Variants in CDC20 observed in about 807,000 individuals in gnomAD.
CDC20 encodes the protein cell division cycle 20.
CDC20 carries 34 observed loss-of-function variants against 60.0 expected under a neutral mutation model. The observed-to-expected ratio is 0.57, with a 90% CI of 0.43 to 0.75. The LOEUF (loss-of-function observed/expected upper bound fraction) is 0.75. CDC20 is among the 30% of genes least tolerant of loss of function. The pLI is 0.00. For missense variants in CDC20, 469 were observed against 647.3 expected (o/e 0.72, Z 2.99); for synonymous variants, 198 against 243.5 (o/e 0.81, Z 1.74).
chr1:43,360,143 TG>T, intron 5 of CDC20, 46 bp downstream of exon 5: 1 of 1,614,044 alleles, frequency 6.2e-7, no homozygotes, highest in Non-Finnish European at 8.5e-7. Context: ...AAAGAGGGCC[TG>T]GGACCACACA....
intron 7 of CDC20, 40 bp from the exon 8 acceptor site, chr1:43,360,693 G>T: frequency 1.9e-6 from 3 of 1,592,448 alleles, no homozygotes; most frequent in Non-Finnish European, 2.6e-6. Flanking sequence ...CTTGCATTTG[G>T]TGCTGCCACA....
chr1:43,362,893 C>T, intron 10 of CDC20, 58 bp from the exon 11 acceptor site: 2 of 1,324,452 alleles, frequency 1.5e-6, no homozygotes, highest in Non-Finnish European at 1.0e-6. Flanking sequence ...TGGCCCAGTG[C>T]CTCCTTTATG....
At position 43,360,106 on chromosome 1, in the gene CDC20, A is replaced by T; in HGVS notation, c.556+9A>T. On this transcript the variant is annotated intron_variant, in intron 5 of 10. Coordinates refer to ENST00000310955, the MANE Select transcript of CDC20 (RefSeq NM_001255.3). ...AATCCGAAATGACTATTGTAAGTGC[A>T]TCCTTATCCTCGCCTCATGCATGGA... 7 of 1,614,230 alleles carry T rather than the reference A, an allele frequency of 4.3e-6. No homozygotes were observed. The highest frequency in any genetic ancestry group is 5.9e-6 in the Non-Finnish European group (7 of 1,180,028).
In CDC20 at chr1:43,360,845, G is replaced by A. The variant is rs756714014; in HGVS notation, c.961G>A (p.Gly321Arg). 6.2e-7 allele frequency: 1 copy of A among 1,614,170 alleles called. No homozygotes were observed. The highest frequency in any genetic ancestry group is 1.1e-5 in the South Asian group (1 of 91,088). ...EVCGLRWAPDGRHLASGGNDN... is the reference protein window; with the variant it reads ...EVCGLRWAPDRRHLASGGNDN... ...GTGTGGGCTGCGCTGGGCCCCAGAT[G>A]GACGACATTTGGCCAGTGGTGGTAA... is the stretch of plus-strand genomic sequence containing the variant. The change falls in exon 8 of 11, where the codon GGA becomes AGA. Residue 321 changes from glycine (G) to arginine (R), a missense_variant. By Grantham distance (125) the Gly-to-Arg change is moderately radical. Transcript: ENST00000310955.
chr1:43,360,112 A>G lies in CDC20; in HGVS notation c.556+15A>G, dbSNP rs1465434389. 1.9e-6 allele frequency: 3 copies of G among 1,614,216 alleles called. No homozygotes were observed. Among genetic ancestry groups the G allele is most frequent in the Admixed American group, 1.7e-5 (1 of 60,030 alleles). The stretch of plus-strand genomic sequence containing the variant: ...AAATGACTATTGTAAGTGCATCCTT[A>G]TCCTCGCCTCATGCATGGAGAAAGA... On this transcript the variant is annotated intron_variant, in intron 5 of 10. Coordinates refer to ENST00000310955, the MANE Select transcript of CDC20 (RefSeq NM_001255.3).
Position 43,360,028 on chromosome 1 carries a change from A to C in CDC20, c.487A>C (p.Lys163Gln), listed in dbSNP as rs1570481353. Residue 163 changes from lysine (K) to glutamine (Q), a missense_variant, in exon 5 of 11, where the codon AAG (lysine) becomes CAG (glutamine). Physicochemically the swap from Lys to Gln is moderately conservative, Grantham distance 53. Around this residue, in one of 5 missense-constraint regions of CDC20, gnomAD observed 255 missense variants for 326.7 expected, o/e 0.78. Transcript: ENST00000310955. ...AAAGGCCACTCCTGGCTCCAGCCGG[A>C]AGACCTGCCGTTACATTCCTTCCCT... The part of the protein sequence containing the change: ...SQKATPGSSR[K>Q]TCRYIPSLPD... The C allele has an allele frequency of 6.2e-7, 1 of 1,614,222 alleles. No individual in the cohort carries two copies. The highest frequency in any genetic ancestry group is 1.3e-5 in the African/African-American group (1 of 75,066).
rs1647169906 is a variant in CDC20, at chr1:43,360,920, G to A, written c.1036G>A (p.Val346Ile). 6.2e-7 allele frequency: 1 copy of A among 1,613,996 alleles called. No individual in the cohort carries two copies. Among genetic ancestry groups the A allele is most frequent in the Non-Finnish European group, 8.5e-7 (1 of 1,180,010 alleles). ...TAGTGCTCCTGGAGAGGGTGGCTGG[G>A]TTCCTCTGCAGACATTCACCCAGCA... is the stretch of plus-strand genomic sequence containing the variant. ...WPSAPGEGGW[V>I]PLQTFTQHQG... The change falls in exon 8 of 11, where the codon GTT becomes ATT. Residue 346 changes from valine to isoleucine, a missense_variant. Coordinates refer to ENST00000310955, the MANE Select transcript of CDC20 (RefSeq NM_001255.3).
chr1:43,359,185 T>A lies in CDC20; in HGVS notation c.-31T>A. On this transcript the variant is annotated 5_prime_UTR_variant, in exon 2 of 11. Transcript: ENST00000310955. The stretch of plus-strand genomic sequence containing the variant: ...CCTCCAGGGCTCCGTAGGCACCAAC[T>A]GCAAGGACCCCTCCCCCTGCGGGCG... 6.2e-7 allele frequency: 1 copy of A among 1,610,292 alleles called. No homozygotes were observed. Among genetic ancestry groups the A allele is most frequent in the Non-Finnish European group, 8.5e-7 (1 of 1,178,922 alleles).
chr1:43,362,812 C>T, intron 10 of CDC20, 139 bp from the exon 11 acceptor site: 1 of 651,150 alleles, frequency 1.5e-6, no homozygotes, highest in South Asian at 2.1e-5. Context: ...TTGCAGTGAG[C>T]CAAGATTGCG....
Position 43,361,136 on chromosome 1 carries a change from C to A in CDC20, c.1094C>A (p.Pro365His). 1 of 1,614,044 alleles carries A rather than the reference C, an allele frequency of 6.2e-7. No homozygotes were observed. The highest frequency in any genetic ancestry group is 8.5e-7 in the Non-Finnish European group (1 of 1,180,008). The change falls in exon 9 of 11, where the codon CCC becomes CAC. Residue 365 changes from proline (P) to histidine (H), a missense_variant. Transcript: ENST00000310955. ...QGAVKAVAWCPWQSNVLATGG... is the reference protein window; with the variant it reads ...QGAVKAVAWCHWQSNVLATGG... ...TCCATCTAGGCCGTAGCATGGTGTC[C>A]CTGGCAGTCCAATGTCCTGGCAACA... is the stretch of plus-strand genomic sequence containing the variant.
chr1:43,361,169 G>A lies in CDC20; in HGVS notation c.1127G>A (p.Gly376Asp). 6.2e-7 allele frequency: 1 copy of A among 1,613,986 alleles called. No homozygotes were observed. Among genetic ancestry groups the A allele is most frequent in the Non-Finnish European group, 8.5e-7 (1 of 1,179,918 alleles). ...TCCAATGTCCTGGCAACAGGAGGGG[G>A]CACCAGTGATCGACACATTCGCATC... The part of the protein sequence containing the change: ...WQSNVLATGG[G>D]TSDRHIRIWN... Residue 376 changes from glycine to aspartate, a missense_variant, in exon 9 of 11, where the codon GGC (glycine) becomes GAC (aspartate). Coordinates refer to ENST00000310955, the MANE Select transcript of CDC20 (RefSeq NM_001255.3).
chr1:43,361,896 AC>A (rs1647174100), intron 9 of CDC20, among the ~76,000 whole-genome samples: 1 of 152,218 alleles, frequency 6.6e-6, no homozygotes. Context: ...TCTGTCATCT[AC>A]TAAACTTGAA....
chr1:43,363,067 C>G lies in CDC20; in HGVS notation c.1438C>G (p.Arg480Gly). ...CTGTTTTGAGTTGGACCCTGCGCGG[C>G]GGCGGGAGCGGGAGAAGGCCAGTGC... ...WRCFELDPARRREREKASAAK... is the reference protein window; with the variant it reads ...WRCFELDPARGREREKASAAK... The change falls in exon 11 of 11, where the codon CGG becomes GGG. Residue 480 changes from arginine (R) to glycine (G), a missense_variant. By Grantham distance (125) the Arg-to-Gly change is moderately radical. This residue lies in a region of CDC20 where 72 missense variants were observed against 77.9 expected (regional missense o/e 0.92). Transcript: ENST00000310955. 1 of 1,613,516 alleles carries G rather than the reference C, an allele frequency of 6.2e-7. No homozygotes were observed. Among genetic ancestry groups the G allele is most frequent in the Non-Finnish European group, 8.5e-7 (1 of 1,179,850 alleles).
In CDC20 at chr1:43,360,496, T is replaced by C. The variant is rs765539223; in HGVS notation, c.754-3T>C. ...TCTGATCCTAGTGGGCTTCTCTCTC[T>C]AGCTATGGGATGTGCAGCAGCAGAA... On this transcript the variant is annotated splice_region_variant and splice_polypyrimidine_tract_variant and intron_variant, in intron 6 of 10. Transcript: ENST00000310955. The C allele has an allele frequency of 2.5e-6, 4 of 1,613,428 alleles. No homozygotes were observed. The highest frequency in any genetic ancestry group is 3.4e-6 in the Non-Finnish European group (4 of 1,179,444).
Position 43,360,969 on chromosome 1 carries a change from G to A in CDC20, c.1077+8G>A, listed in dbSNP as rs1557474086. ...CATCAAGGGGCTGTCAAGGTGAGTA[G>A]GGTTGGGCTGAAGCCTCTGCAGACC... On this transcript the variant is annotated splice_region_variant and intron_variant, in intron 8 of 10. Transcript: ENST00000310955. 6.2e-7 allele frequency: 1 copy of A among 1,610,632 alleles called. No homozygotes were observed.
At position 43,360,047 on chromosome 1, in the gene CDC20, C is replaced by T. The variant is rs1647164801; in HGVS notation, c.506C>T (p.Pro169Leu). ...AGCCGGAAGACCTGCCGTTACATTC[C>T]TTCCCTGCCAGACCGTATCCTGGAT... The part of the protein sequence containing the change: ...GSSRKTCRYI[P>L]SLPDRILDAP... The change falls in exon 5 of 11, where the codon CCT (proline) becomes CTT (leucine). Residue 169 changes from proline to leucine, a missense_variant. This residue lies in a region of CDC20 where 255 missense variants were observed against 326.7 expected (regional missense o/e 0.78). Coordinates refer to ENST00000310955, the MANE Select transcript of CDC20 (RefSeq NM_001255.3). The T allele has an allele frequency of 1.9e-6, 3 of 1,614,254 alleles. No homozygotes were observed. Among genetic ancestry groups the T allele is most frequent in the Non-Finnish European group, 2.5e-6 (3 of 1,180,044 alleles).
intron 3 of CDC20, 31 bp from the exon 4 acceptor site, chr1:43,359,694 C>T: frequency 1.9e-6 from 3 of 1,613,628 alleles, no homozygotes; most frequent in South Asian, 1.1e-5. Context: ...TGGATAATAC[C>T]ATCTTGCTCC....
At chr1:43,361,327 A>T (rs1265789026) in intron 9 of CDC20, 82 bp downstream of exon 9, 1 of 1,348,790 alleles carries the variant, frequency 7.4e-7, no homozygotes, top group East Asian at 2.5e-5. Flanking sequence ...CACCAACTCT[A>T]TGCCCTGGTG....
In CDC20 at chr1:43,359,403, G is replaced by T; in HGVS notation, c.181+7G>T. 2 of 1,612,900 alleles carry T rather than the reference G, an allele frequency of 1.2e-6. No homozygotes were observed. Among genetic ancestry groups the T allele is most frequent in the Non-Finnish European group, 1.7e-6 (2 of 1,179,406 alleles). ...ACTCCGGGCCGAACTCCTGGTCAGT[G>T]AGGTGCCAAAGGAACTGAGTGAGAG... On this transcript the variant is annotated splice_region_variant and intron_variant, in intron 2 of 10. Transcript: ENST00000310955.
Sources: allele counts gnomAD v4.1 joint callset (sites outside exome capture counted in the v4.1 genomes callset), GRCh38; gene constraint gnomAD v4.1.1; regional missense constraint gnomAD v4.1.1; transcripts MANE v1.5; gene names NCBI Gene and HGNC (gene_info 2026-07-23, HGNC 2026-07-21).